RPTOR: variants seen among roughly 807,000 people sequenced by gnomAD.
The protein encoded by RPTOR is regulatory-associated protein of mTOR.
A neutral mutation model predicts 169.9 loss-of-function variants in RPTOR; 21 were observed. The observed-to-expected ratio is 0.12, with a 90% CI of 0.09 to 0.18. The LOEUF is 0.18. Among genes scored for constraint, RPTOR ranks in the 10% least tolerant of loss-of-function variants. The probability of loss-of-function intolerance (pLI) is 1.00; values close to 1 mark genes in which losing one functional copy is unlikely to be tolerated. For synonymous variants in RPTOR, 732 were observed against 753.2 expected (o/e 0.97, Z 0.46); for missense variants, 1,133 against 1,855.9 (o/e 0.61, Z 7.16).
intron 2 of RPTOR, among the ~76,000 whole-genome samples, chr17:80,628,340 G>A (rs934508051): frequency 5.3e-5 from 8 of 152,148 alleles, no homozygotes; most frequent in African/African-American, 1.9e-4. Context: ...GTGCTGGTCT[G>A]TAGGCATTAA....
chr17:80,621,658 C>T (rs967470452), intron 1 of RPTOR, among the ~76,000 whole-genome samples: 7 of 152,196 alleles, frequency 4.6e-5, no homozygotes, highest in Admixed American at 1.3e-4. Context: ...AGTTCATGTC[C>T]CTGTGGTGAA....
intron 12 of RPTOR, among the ~76,000 whole-genome samples, chr17:80,856,165 C>A (rs1301947392): frequency 6.6e-6 from 1 of 152,208 alleles, no homozygotes; most frequent in East Asian, 1.9e-4. Flanking sequence ...GTACAGTAAA[C>A]CTTACTTGGT....
intron 1 of RPTOR, among the ~76,000 whole-genome samples, chr17:80,566,211 G>C (rs182997361): frequency 6.6e-6 from 1 of 152,150 alleles, no homozygotes; most frequent in Non-Finnish European, 1.5e-5. Flanking sequence ...GGATAATATT[G>C]AGAAATTCCC....
intron 21 of RPTOR, among the ~76,000 whole-genome samples, chr17:80,910,476 G>T (rs984372814): frequency 6.6e-6 from 1 of 152,198 alleles, no homozygotes; most frequent in Non-Finnish European, 1.5e-5. Flanking sequence ...GTTGCAGGAA[G>T]AATGCAGGGA....
chr17:80,619,703 G>C (rs2065340808), intron 1 of RPTOR, among the ~76,000 whole-genome samples: 1 of 152,220 alleles, frequency 6.6e-6, no homozygotes, highest in Non-Finnish European at 1.5e-5. Flanking sequence ...GAGTGGAAAT[G>C]TTAACGTGGT....
At position 80,962,908 on chromosome 17, in the gene RPTOR, G is replaced by T; in HGVS notation, c.3810-20G>T. 4 of 1,613,220 alleles carry T rather than the reference G, an allele frequency of 2.5e-6. No individual in the cohort carries two copies. The highest frequency in any genetic ancestry group is 3.4e-6 in the Non-Finnish European group (4 of 1,179,822). On this transcript the variant is annotated intron_variant, in intron 32 of 33. Coordinates refer to ENST00000306801, the MANE Select transcript of RPTOR (RefSeq NM_020761.3). ...TCAAAGAAGAGGGCAGTGATGCCGG[G>T]ACCCTTTCTCTCCCCACAGTGGCTC...
chr17:80,639,422 C>T (rs995549920), intron 2 of RPTOR, among the ~76,000 whole-genome samples: 1 of 152,028 alleles, frequency 6.6e-6, no homozygotes, highest in Admixed American at 6.5e-5. Flanking sequence ...GCACCTAACC[C>T]GGGTGTATCC....
At chr17:80,905,980 C>A (rs577619682) in intron 20 of RPTOR, among the ~76,000 whole-genome samples, 151 of 152,314 alleles carry the variant, frequency 9.9e-4, no homozygotes, top group African/African-American at 3.6e-3. Context: ...GGAGCTGCTT[C>A]AATGCCTCAC....
At chr17:80,656,075 AT>A (rs1370291766) in intron 3 of RPTOR, among the ~76,000 whole-genome samples, 4 of 150,810 alleles carry the variant, frequency 2.7e-5, no homozygotes, top group African/African-American at 9.8e-5. Context: ...GTCAAAATAC[AT>A]TTTTTTTTCT....
At chr17:80,576,995 T>C (rs1021846374) in intron 1 of RPTOR, among the ~76,000 whole-genome samples, 6 of 151,682 alleles carry the variant, frequency 4.0e-5, no homozygotes, top group South Asian at 4.2e-4. Flanking sequence ...TGAGCTCCCA[T>C]GCCTGGCCTC....
chr17:80,940,103 G>A (rs1180204098), intron 24 of RPTOR, among the ~76,000 whole-genome samples: 1 of 152,212 alleles, frequency 6.6e-6, no homozygotes, highest in Non-Finnish European at 1.5e-5. Context: ...AGAAAGAGGT[G>A]CCTTCATCTG....
intron 2 of RPTOR, among the ~76,000 whole-genome samples, chr17:80,627,573 TCTTG>T (rs1384640314): frequency 6.6e-6 from 1 of 152,254 alleles, no homozygotes; most frequent in Non-Finnish European, 1.5e-5. Context: ...AGTTTTTGTA[TCTTG>T]CTTCTTTCCT....
chr17:80,894,366 G>T (rs141649759), intron 20 of RPTOR, among the ~76,000 whole-genome samples: 1 of 152,200 alleles, frequency 6.6e-6, no homozygotes, highest in African/African-American at 2.4e-5. Flanking sequence ...AGGGCCCTGC[G>T]GTCGGGCTGG....
At chr17:80,632,295 A>G (rs2065448047) in intron 2 of RPTOR, among the ~76,000 whole-genome samples, 1 of 152,232 alleles carries the variant, frequency 6.6e-6, no homozygotes, top group Non-Finnish European at 1.5e-5. Flanking sequence ...CTTTTCGAAC[A>G]AGCCTTCCTC....
intron 9 of RPTOR, among the ~76,000 whole-genome samples, chr17:80,829,219 A>G (rs1201921273): frequency 6.6e-6 from 1 of 152,004 alleles, no homozygotes; most frequent in Admixed American, 6.5e-5. Context: ...AGAAGAAATC[A>G]TTACATACTT....
chr17:80,931,565 C>T (rs896557323), intron 24 of RPTOR, among the ~76,000 whole-genome samples: 4 of 152,188 alleles, frequency 2.6e-5, no homozygotes, highest in Non-Finnish European at 4.4e-5. Context: ...TGTGCTGCTC[C>T]CCACAGAACA....
chr17:80,941,233 C>T (rs1167094816), intron 25 of RPTOR: 1 of 152,802 alleles, frequency 6.5e-6, no homozygotes, highest in East Asian at 1.9e-4. Flanking sequence ...TGTTTGCTCT[C>T]CCAGCTGCAC....
intron 13 of RPTOR, among the ~76,000 whole-genome samples, chr17:80,872,941 G>C (rs188215353): frequency 6.6e-6 from 1 of 152,224 alleles, no homozygotes; most frequent in Admixed American, 6.5e-5. Context: ...GTGAGCAAGG[G>C]AGAGGGGATG....
At chr17:80,827,750 G>A (rs777841617) in intron 9 of RPTOR, among the ~76,000 whole-genome samples, 1 of 152,158 alleles carries the variant, frequency 6.6e-6, no homozygotes, top group Non-Finnish European at 1.5e-5. Flanking sequence ...CACCAGTCGC[G>A]GCGGGTGACC....
Sources: allele counts gnomAD v4.1 joint callset (sites outside exome capture counted in the v4.1 genomes callset), GRCh38; gene constraint gnomAD v4.1.1; transcripts MANE v1.5; gene names NCBI Gene and HGNC (gene_info 2026-07-23, HGNC 2026-07-21).